Variants in NAV1 observed in about 807,000 individuals in gnomAD.
NAV1 encodes the protein pore membrane and/or filament interacting like protein 3.
NAV1 carries 18 observed loss-of-function variants against 175.2 expected under a neutral mutation model. That is an observed-to-expected ratio of 0.10 (90% CI 0.07 to 0.15). The LOEUF is 0.15. Ranked by LOEUF, NAV1 falls within the 10% of genes least tolerant of loss-of-function variation. The pLI, the probability that NAV1 is intolerant of heterozygous loss-of-function variation, is 1.00. For missense variants in NAV1, 1,731 were observed against 2,436.6 expected (o/e 0.71, Z 6.10); for synonymous variants, 897 against 978.7 (o/e 0.92, Z 1.56).
intron 2 of NAV1, among the ~76,000 whole-genome samples, chr1:201,591,932 G>A (rs1434678621): frequency 6.6e-6 from 1 of 152,160 alleles, no homozygotes; most frequent in Admixed American, 6.5e-5. Flanking sequence ...TATCAAAATT[G>A]CCACCTGGAT....
At chr1:201,676,833 G>C (rs1359880086) in intron 1 of NAV1, among the ~76,000 whole-genome samples, 1 of 152,136 alleles carries the variant, frequency 6.6e-6, no homozygotes, top group Non-Finnish European at 1.5e-5. Flanking sequence ...GTGTGTAATA[G>C]ATCTAAATAG....
intron 3 of NAV1, among the ~76,000 whole-genome samples, chr1:201,756,860 CTTT>C (rs1674531560): frequency 6.4e-5 from 7 of 110,046 alleles, no homozygotes; most frequent in African/African-American, 1.4e-4. Context: ...TTCTTTCTTT[CTTT>C]CTTTCTTTCT....
chr1:201,810,110 G>A lies in NAV1; in HGVS notation c.4561+5G>A, dbSNP rs1480223537. On this transcript the variant is annotated splice_donor_5th_base_variant and intron_variant, in intron 23 of 29. Transcript: ENST00000367296. This position sits in a 1 kb window ranked among gnomAD's most constrained non-coding sequence, Gnocchi z 6.0. ...ACATATCAGTCTCCCTCAAAGGTCA[G>A]TCTTTGTCTCTTGGGGTGAGGTGGT... 1 of 1,613,394 alleles carries A rather than the reference G, an allele frequency of 6.2e-7. No individual in the cohort carries two copies. The highest frequency in any genetic ancestry group is 1.7e-5 in the Admixed American group (1 of 59,988).
intron 3 of NAV1, among the ~76,000 whole-genome samples, chr1:201,726,585 T>G (rs1254591112): frequency 1.3e-5 from 2 of 150,406 alleles, no homozygotes; most frequent in African/African-American, 4.9e-5. Flanking sequence ...GAGGTGGAAG[T>G]TGTAGTGAGC....
chr1:201,606,110 A>G (rs1219538730), intron 2 of NAV1, among the ~76,000 whole-genome samples: 2 of 152,156 alleles, frequency 1.3e-5, no homozygotes, highest in Non-Finnish European at 2.9e-5. Flanking sequence ...TATGGGATCC[A>G]CCTAGAAAGG....
At chr1:201,802,455 A>G (rs1558182605) in intron 15 of NAV1, among the ~76,000 whole-genome samples, 2 of 68,200 alleles carry the variant, frequency 2.9e-5, no homozygotes, top group African/African-American at 8.5e-5. Flanking sequence ...ACCCTGTCTC[A>G]TTAAAAAAAA....
At chr1:201,723,941 T>C (rs966453901) in intron 3 of NAV1, 2 of 152,214 alleles carry the variant, frequency 1.3e-5, no homozygotes, top group African/African-American at 2.4e-5. Context: ...TCAAATATTC[T>C]CTAGACCAAA....
chr1:201,728,599 C>CAAAAAAAA (rs1278753255), intron 3 of NAV1, among the ~76,000 whole-genome samples: 1 of 58,774 alleles, frequency 1.7e-5, no homozygotes, highest in African/African-American at 6.4e-5. Flanking sequence ...CATCGCAAAA[C>CAAAAAAAA]AAAAAAAAAA....
intron 2 of NAV1, among the ~76,000 whole-genome samples, chr1:201,598,400 C>T (rs1161662783): frequency 5.3e-5 from 8 of 152,136 alleles, no homozygotes; most frequent in Non-Finnish European, 7.4e-5. Flanking sequence ...GATTTTACCC[C>T]GTAGGAGGGT....
chr1:201,609,238 TGCTAGTGTA>T (rs1162792299), intron 2 of NAV1, among the ~76,000 whole-genome samples: 2 of 152,232 alleles, frequency 1.3e-5, no homozygotes, highest in Admixed American at 6.5e-5. Flanking sequence ...AAGAGCTTAT[TGCTAGTGTA>T]GCCAGCCTGG....
At chr1:201,683,390 G>A (rs1670545044) in intron 1 of NAV1, among the ~76,000 whole-genome samples, 1 of 152,092 alleles carries the variant, frequency 6.6e-6, no homozygotes, top group Non-Finnish European at 1.5e-5. Flanking sequence ...GACAGGGGTT[G>A]GGGGATGGGG....
At position 201,590,406 on chromosome 1, in the gene NAV1, T is replaced by C. The variant is rs192870297; in HGVS notation, c.-33+1757T>C. Among the ~76,000 whole-genome samples the C allele has an allele frequency of 3.1e-3, 471 of 152,362 alleles. 1 individual carries two copies. Among genetic ancestry groups the C allele is most frequent in the Non-Finnish European group, 3.5e-3 (238 of 68,036 alleles). ...AGTTCCTGCCTTACTTTTTTCCTTT[T>C]TTTGGCAGCTTTATCTAGGTATAAT... On this transcript the variant is annotated intron_variant, in intron 2 of 33. Coordinates refer to the NAV1 transcript ENST00000685211.
intron 14 of NAV1, chr1:201,794,157 T>A: frequency 3.0e-6 from 2 of 658,214 alleles, no homozygotes; most frequent in South Asian, 3.0e-5. Flanking sequence ...AATGACGCTG[T>A]TTTCTTTTTT....
chr1:201,681,497 T>G (rs1670458697), intron 1 of NAV1, among the ~76,000 whole-genome samples: 1 of 152,204 alleles, frequency 6.6e-6, no homozygotes, highest in Non-Finnish European at 1.5e-5. Flanking sequence ...AGAACACTGG[T>G]AGGGCCAGCA....
chr1:201,660,381 C>T (rs199938262), intron 1 of NAV1, among the ~76,000 whole-genome samples: 6 of 152,252 alleles, frequency 3.9e-5, no homozygotes, highest in East Asian at 1.9e-4. Flanking sequence ...TGTTGCTGCT[C>T]CTGCTGCCAC....
intron 3 of NAV1, among the ~76,000 whole-genome samples, chr1:201,726,648 C>CA (rs369489372): frequency 0.32 from 35,660 of 109,806 alleles, 5,341 homozygotes; most frequent in Non-Finnish European, 0.39. Flanking sequence ...AACTCCATCT[C>CA]AAAAAAAAAA....
chr1:201,808,799 G>T lies in NAV1; in HGVS notation c.4135G>T (p.Ala1379Ser). Residue 1379 changes from alanine (A) to serine (S), a missense_variant, in exon 20 of 30, where the codon GCA (alanine) becomes TCA (serine). Coordinates refer to ENST00000367296, the Ensembl canonical transcript of NAV1. This position sits in a 1 kb window ranked among gnomAD's most constrained non-coding sequence, Gnocchi z 5.5. ...TCCAGGGCAGGTCCCTGGATCATCT[G>T]CATTATCTTCCCCACGCCGCTCCCT... The T allele has an allele frequency of 6.2e-7, 1 of 1,614,106 alleles. No individual in the cohort carries two copies. Among genetic ancestry groups the T allele is most frequent in the Non-Finnish European group, 8.5e-7 (1 of 1,180,030 alleles).
At chr1:201,648,643 T>A in exon 1 of NAV1, 1 of 1,314,242 alleles carries the variant, frequency 7.6e-7, no homozygotes, top group Non-Finnish European at 9.7e-7. Flanking sequence ...GACGCGCGGA[T>A]CGTCCATGCG....
intron 3 of NAV1, among the ~76,000 whole-genome samples, chr1:201,751,265 A>G (rs932857826): frequency 1.1e-4 from 17 of 152,248 alleles, no homozygotes; most frequent in African/African-American, 4.1e-4. Flanking sequence ...CAGAGAAGCC[A>G]GGAAAAGGAT....
Sources: gnomAD v4.1 joint callset for allele counts (sites outside exome capture counted in the v4.1 genomes callset) on GRCh38, gnomAD v4.1.1 for gene constraint, Gnocchi (gnomAD v3.1) non-coding constraint, MANE v1.5 for transcripts, NCBI Gene and HGNC (gene_info 2026-07-23, HGNC 2026-07-21) for gene names.